KCNN2: variants seen among roughly 807,000 people sequenced by gnomAD.
KCNN2 encodes potassium calcium-activated channel subfamily N member 2.
KCNN2 carries 24 observed loss-of-function variants against 55.5 expected under a neutral mutation model. The ratio of observed to expected loss-of-function variants is 0.43; its 90% CI spans 0.31 to 0.61. The LOEUF is 0.61. Among genes scored for constraint, KCNN2 ranks in the 20% least tolerant of loss-of-function variants. The pLI is 0.08. For missense variants in KCNN2, 754 were observed against 853.6 expected, an observed-to-expected ratio of 0.88 and a Z score of 1.45; for synonymous variants, 431 against 336.1, an observed-to-expected ratio of 1.28 and a Z score of -3.09.
At chr5:114,193,610 T>G (rs1753493556) in intron 1 of KCNN2, among the ~76,000 whole-genome samples, 1 of 152,178 alleles carries the variant, frequency 6.6e-6, no homozygotes, top group Non-Finnish European at 1.5e-5. Context: ...CAAGGAAGTT[T>G]CTTCAGAAAT....
At chr5:114,156,772 A>C (rs1752643860) in intron 1 of KCNN2, among the ~76,000 whole-genome samples, 1 of 151,770 alleles carries the variant, frequency 6.6e-6, no homozygotes, top group South Asian at 2.1e-4. Context: ...TTTTTTCCTA[A>C]ATTCATGCCT....
intron 2 of KCNN2, among the ~76,000 whole-genome samples, chr5:114,346,530 A>C (rs918180905): frequency 1.3e-5 from 2 of 152,288 alleles, no homozygotes; most frequent in East Asian, 3.9e-4. Context: ...GTAACAAGGA[A>C]AATAATACAG....
intron 2 of KCNN2, among the ~76,000 whole-genome samples, chr5:114,393,123 A>T (rs1337237208): frequency 6.6e-6 from 1 of 152,018 alleles, no homozygotes; most frequent in Non-Finnish European, 1.5e-5. Flanking sequence ...TTAAATATAA[A>T]TCTTTCATGT....
At chr5:114,372,627 G>A (rs1258162366) in intron 2 of KCNN2, among the ~76,000 whole-genome samples, 2 of 151,870 alleles carry the variant, frequency 1.3e-5, no homozygotes, top group African/African-American at 4.8e-5. Flanking sequence ...ATTCATGTTA[G>A]AAAATTTGTG....
chr5:114,295,656 T>G (rs556947758), intron 2 of KCNN2, among the ~76,000 whole-genome samples: 7 of 152,264 alleles, frequency 4.6e-5, no homozygotes, highest in African/African-American at 1.7e-4. Context: ...ACTTCCCAAG[T>G]GAGGCAATGC....
intron 2 of KCNN2, among the ~76,000 whole-genome samples, chr5:114,318,584 A>G (rs1439846131): frequency 6.6e-6 from 1 of 151,266 alleles, no homozygotes; most frequent in Non-Finnish European, 1.5e-5. Flanking sequence ...GTAATTTTGT[A>G]TTATATAAGA....
intron 1 of KCNN2, among the ~76,000 whole-genome samples, chr5:114,180,347 TAC>T (rs1753215649): frequency 6.6e-6 from 1 of 152,202 alleles, no homozygotes; most frequent in African/African-American, 2.4e-5. Flanking sequence ...TTGTCACAAT[TAC>T]AGTTAGCAAT....
intron 2 of KCNN2, among the ~76,000 whole-genome samples, chr5:114,392,334 C>A (rs905027338): frequency 6.6e-6 from 1 of 152,202 alleles, no homozygotes; most frequent in African/African-American, 2.4e-5. Flanking sequence ...TATCTAGGAT[C>A]TAAGCCTTAG....
chr5:114,188,734 G>A (rs1753388373), intron 1 of KCNN2, among the ~76,000 whole-genome samples: 1 of 105,330 alleles, frequency 9.5e-6, no homozygotes, highest in Admixed American at 9.6e-5. Context: ...ACTATAAATT[G>A]GGGAAAAAAT....
intron 1 of KCNN2, among the ~76,000 whole-genome samples, chr5:114,088,242 A>G (rs1751058210): frequency 6.6e-6 from 1 of 152,032 alleles, no homozygotes. Flanking sequence ...TAGGGCTGTG[A>G]TTCTTATCTT....
At chr5:114,341,809 G>A (rs895013559) in intron 2 of KCNN2, among the ~76,000 whole-genome samples, 2 of 151,934 alleles carry the variant, frequency 1.3e-5, no homozygotes, top group Non-Finnish European at 1.5e-5. Context: ...GAAGTGTAAA[G>A]AACTTTTGGT....
At chr5:114,234,521 G>A (rs1256498977) in intron 2 of KCNN2, among the ~76,000 whole-genome samples, 3 of 152,162 alleles carry the variant, frequency 2.0e-5, no homozygotes, top group Non-Finnish European at 2.9e-5. Flanking sequence ...AGTATATCAA[G>A]CAAAACATAT....
At chr5:114,163,905 G>T (rs1300146360) in intron 1 of KCNN2, among the ~76,000 whole-genome samples, 1 of 125,034 alleles carries the variant, frequency 8.0e-6, no homozygotes, top group Non-Finnish European at 1.7e-5. Context: ...ATATTGATGA[G>T]AAATTAGGAA....
At chr5:114,293,866 C>T (rs1230945029) in intron 2 of KCNN2, among the ~76,000 whole-genome samples, 3 of 152,150 alleles carry the variant, frequency 2.0e-5, no homozygotes, top group African/African-American at 4.8e-5. Flanking sequence ...GCCACAATTT[C>T]AGAGCCTGTT....
At chr5:114,321,407 A>G (rs1342968271) in intron 2 of KCNN2, among the ~76,000 whole-genome samples, 1 of 152,128 alleles carries the variant, frequency 6.6e-6, no homozygotes, top group Non-Finnish European at 1.5e-5. Context: ...AAAGCTCAGG[A>G]ACTGTGGTGC....
chr5:114,236,769 TAAG>T (rs1462644456), intron 2 of KCNN2, among the ~76,000 whole-genome samples: 3 of 152,190 alleles, frequency 2.0e-5, no homozygotes, highest in Non-Finnish European at 4.4e-5. Context: ...ATTGCTTGTA[TAAG>T]TATTATGTAT....
chr5:114,156,986 T>C (rs568354086), intron 1 of KCNN2, among the ~76,000 whole-genome samples: 8 of 151,574 alleles, frequency 5.3e-5, no homozygotes, highest in Admixed American at 2.0e-4. Context: ...AAATGCACTT[T>C]GGGATTTCTT....
intron 1 of KCNN2, among the ~76,000 whole-genome samples, chr5:114,151,344 C>A (rs1459328770): frequency 2.6e-5 from 4 of 151,900 alleles, no homozygotes; most frequent in Non-Finnish European, 5.9e-5. Flanking sequence ...GCTCAGGTAC[C>A]CCCAGCCCCT....
At chr5:114,081,002 T>C (rs1165755300) in intron 1 of KCNN2, among the ~76,000 whole-genome samples, 1 of 152,146 alleles carries the variant, frequency 6.6e-6, no homozygotes, top group Non-Finnish European at 1.5e-5. Flanking sequence ...TACAAATTTA[T>C]ATACAAAAAC....
Sources: allele counts gnomAD v4.1 joint callset (sites outside exome capture counted in the v4.1 genomes callset), GRCh38; gene constraint gnomAD v4.1.1; transcripts MANE v1.5; gene names NCBI Gene and HGNC (gene_info 2026-07-23, HGNC 2026-07-21).